The following ANKS1B variants were observed in gnomAD, a reference collection of about 807,000 sequenced individuals.
The protein encoded by ANKS1B is ankyrin repeat and sterile alpha motif domain containing 1B, also known as ankyrin repeat and sterile alpha motif domain-containing protein 1B.
A neutral mutation model predicts 148.3 loss-of-function variants in ANKS1B; 36 were observed. That is an observed-to-expected ratio of 0.24 (90% confidence interval 0.19 to 0.32). ANKS1B has a LOEUF of 0.32. ANKS1B is among the 10% of genes least tolerant of loss of function. ANKS1B has a pLI of 1.00. For missense variants in ANKS1B, 1,157 were observed against 1,542.6 expected, an observed-to-expected ratio of 0.75 and a Z score of 4.19; for synonymous variants, 542 against 560.8, an observed-to-expected ratio of 0.97 and a Z score of 0.47.
At chr12:99,534,693 TTTTTC>T (rs1458750018) in intron 9 of ANKS1B, among the ~76,000 whole-genome samples, 1 of 150,402 alleles carries the variant, frequency 6.6e-6, no homozygotes, top group South Asian at 2.1e-4. Context: ...GGAAACTTTT[TTTTTC>T]TTTTTTCTTT....
At chr12:99,747,804 T>C (rs2060733416) in intron 8 of ANKS1B, among the ~76,000 whole-genome samples, 1 of 152,074 alleles carries the variant, frequency 6.6e-6, no homozygotes, top group Non-Finnish European at 1.5e-5. Context: ...ATCTCAAATC[T>C]CTCTTATTAA....
chr12:99,583,982 G>A (rs1016183926), intron 9 of ANKS1B, among the ~76,000 whole-genome samples: 1 of 152,024 alleles, frequency 6.6e-6, no homozygotes, highest in Non-Finnish European at 1.5e-5. Context: ...CCATTTTTCT[G>A]AAAAAATGAA....
intron 1 of ANKS1B, among the ~76,000 whole-genome samples, chr12:99,896,785 T>C (rs1002975498): frequency 2.6e-5 from 4 of 151,328 alleles, no homozygotes; most frequent in African/African-American, 7.3e-5. Context: ...GAAAATGCTC[T>C]CTATTCATAA....
intron 1 of ANKS1B, among the ~76,000 whole-genome samples, chr12:99,962,398 C>T (rs1372234625): frequency 1.3e-5 from 2 of 152,136 alleles, no homozygotes; most frequent in Admixed American, 6.5e-5. Context: ...TATTTTATGG[C>T]TGTATAGTAT....
At chr12:99,944,587 A>C (rs2095009018) in intron 1 of ANKS1B, among the ~76,000 whole-genome samples, 1 of 152,146 alleles carries the variant, frequency 6.6e-6, no homozygotes, top group Admixed American at 6.5e-5. Flanking sequence ...ATGTGGAGGA[A>C]TGGGTGCTGG....
At chr12:99,780,376 C>T (rs1330989399) in intron 5 of ANKS1B, among the ~76,000 whole-genome samples, 4 of 152,110 alleles carry the variant, frequency 2.6e-5, no homozygotes, top group Admixed American at 2.0e-4. Flanking sequence ...CCCAGGTTCA[C>T]GCCATTCTCC....
At chr12:99,520,474 T>C (rs1471716884) in intron 9 of ANKS1B, among the ~76,000 whole-genome samples, 1 of 152,244 alleles carries the variant, frequency 6.6e-6, no homozygotes, top group Non-Finnish European at 1.5e-5. Flanking sequence ...TATTTGTTTC[T>C]TTTCTTTTGC....
intron 17 of ANKS1B, among the ~76,000 whole-genome samples, chr12:98,884,805 C>CAAAAAAA (rs35160751): frequency 2.3e-4 from 19 of 83,798 alleles, no homozygotes; most frequent in African/African-American, 7.4e-4. Flanking sequence ...GACTCCGTCT[C>CAAAAAAA]AAAAAAAAAA....
Position 99,702,984 on chromosome 12 carries a change from G to A in ANKS1B, c.1129-47774C>T, listed in dbSNP as rs145418930. 3.1e-3 allele frequency among the ~76,000 whole-genome samples: 470 copies of A among 152,052 alleles called. 4 individuals carry two copies. The highest frequency in any genetic ancestry group is 1.6e-3 in the Non-Finnish European group (111 of 67,978). On this transcript the variant is annotated intron_variant, in intron 8 of 26. Coordinates refer to ENST00000683438, the MANE Select transcript of ANKS1B (RefSeq NM_001352186.2). ...AGACAGGGTCTAATTTCATTCTTCT[G>A]CATACAGATATCCAGTTTTCCCAGC...
chr12:99,278,480 A>C (rs1278084748), intron 12 of ANKS1B, among the ~76,000 whole-genome samples: 1 of 152,208 alleles, frequency 6.6e-6, no homozygotes, highest in Non-Finnish European at 1.5e-5. Flanking sequence ...TAATATGGAC[A>C]GAGACATAGG....
At chr12:99,215,742 C>T (rs1430934958) in intron 14 of ANKS1B, among the ~76,000 whole-genome samples, 2 of 152,210 alleles carry the variant, frequency 1.3e-5, no homozygotes, top group African/African-American at 2.4e-5. Flanking sequence ...TGCCTGTACC[C>T]TCATTATACC....
chr12:98,954,331 T>C (rs550566834), intron 17 of ANKS1B: 1 of 152,350 alleles, frequency 6.6e-6, no homozygotes, highest in African/African-American at 2.4e-5. Flanking sequence ...TCTCTTTCTT[T>C]TTCTATTTAA....
At chr12:99,429,146 C>T (rs777833454) in intron 11 of ANKS1B, among the ~76,000 whole-genome samples, 13 of 150,122 alleles carry the variant, frequency 8.7e-5, no homozygotes, top group Non-Finnish European at 1.6e-4. Context: ...AGAAGAGAAA[C>T]AAACAAACAA....
At chr12:99,891,515 C>A (rs761362417) in intron 1 of ANKS1B, among the ~76,000 whole-genome samples, 1 of 152,048 alleles carries the variant, frequency 6.6e-6, no homozygotes, top group Non-Finnish European at 1.5e-5. Context: ...CCACCATGCC[C>A]GGCCCTCGTT....
intron 14 of ANKS1B, among the ~76,000 whole-genome samples, chr12:99,213,663 A>G (rs2083691953): frequency 6.6e-6 from 1 of 152,228 alleles, no homozygotes; most frequent in South Asian, 2.1e-4. Flanking sequence ...TCCCTTGAGT[A>G]TGGTTAATGA....
intron 9 of ANKS1B, among the ~76,000 whole-genome samples, chr12:99,548,534 G>T (rs553036394): frequency 6.6e-6 from 1 of 151,972 alleles, no homozygotes; most frequent in Non-Finnish European, 1.5e-5. Flanking sequence ...TATAGGTAAT[G>T]TTATTATTAA....
chr12:99,163,258 A>C (rs1348879180), intron 14 of ANKS1B, among the ~76,000 whole-genome samples: 1 of 151,322 alleles, frequency 6.6e-6, no homozygotes, highest in Non-Finnish European at 1.5e-5. Flanking sequence ...ACATCCTTTT[A>C]TTTTCTTTTT....
intron 1 of ANKS1B, among the ~76,000 whole-genome samples, chr12:99,829,151 GAATGAAAAC>G (rs1164223621): frequency 6.6e-6 from 1 of 151,888 alleles, no homozygotes; most frequent in Non-Finnish European, 1.5e-5. Flanking sequence ...GAAAACAGGA[GAATGAAAAC>G]AATGAAAGAC....
intron 19 of ANKS1B, among the ~76,000 whole-genome samples, chr12:98,816,801 G>C (rs1381135380): frequency 6.6e-6 from 1 of 152,060 alleles, no homozygotes; most frequent in Non-Finnish European, 1.5e-5. Context: ...AACTGGGACT[G>C]ACAGGCTGAT....
Sources: allele counts gnomAD v4.1 joint callset (sites outside exome capture counted in the v4.1 genomes callset), GRCh38; gene constraint gnomAD v4.1.1; transcripts MANE v1.5; gene names NCBI Gene and HGNC (gene_info 2026-07-23, HGNC 2026-07-21).